SLCO1C1: variants seen among roughly 807,000 people sequenced by gnomAD.
The protein encoded by SLCO1C1 is solute carrier organic anion transporter family member 1C1, also known as OAT-RP-5.
Under a neutral mutation model 76.4 loss-of-function variants are expected in SLCO1C1, and 70 were observed. The observed-to-expected ratio is 0.92, with a 90% confidence interval of 0.76 to 1.12. The LOEUF (loss-of-function observed/expected upper bound fraction) is 1.12, where lower values mean the gene tolerates loss of function less well. Ranked by LOEUF, SLCO1C1 falls within the 50% of genes most tolerant of loss-of-function variation. SLCO1C1 has a pLI of 0.00. For synonymous variants in SLCO1C1, 306 were observed against 286.1 expected (o/e 1.07, Z -0.70); for missense variants, 912 against 823.8 (o/e 1.11, Z -1.31).
chr12:20,707,806 C>T (rs1029393267), intron 4 of SLCO1C1, among the ~76,000 whole-genome samples: 8 of 151,074 alleles, frequency 5.3e-5, no homozygotes, highest in East Asian at 1.9e-4. Context: ...ATCGAATACC[C>T]GTATAAGAAA....
At chr12:20,752,239 T>G in intron 14 of SLCO1C1, 67 bp from the exon 15 acceptor site, 1 of 1,062,908 alleles carries the variant, frequency 9.4e-7, no homozygotes, top group Non-Finnish European at 1.3e-6. Flanking sequence ...ATGATATTAT[T>G]ACCTTTTAAA....
In SLCO1C1 at chr12:20,740,326, C is replaced by T; in HGVS notation, c.1691C>T (p.Thr564Ile). Reference protein sequence around the residue: ...FLVISVITSYTLSLGGIPGYI... With the variant: ...FLVISVITSYILSLGGIPGYI... Reference sequence around the variant, plus strand: ...GTAATTTCAGTCATCACATCCTATACTTTATCCCTAGGTGGCATACCTGGA... The same window carrying T: ...GTAATTTCAGTCATCACATCCTATATTTTATCCCTAGGTGGCATACCTGGA... Residue 564 changes from threonine (T) to isoleucine (I), a missense_variant, in exon 12 of 15, where the codon ACT (threonine) becomes ATT (isoleucine). Transcript: ENST00000266509. The T allele has an allele frequency of 6.2e-7, 1 of 1,613,802 alleles. No individual in the cohort carries two copies. The highest frequency in any genetic ancestry group is 8.5e-7 in the Non-Finnish European group (1 of 1,179,888).
intron 7 of SLCO1C1, 127 bp from the exon 8 acceptor site, chr12:20,721,677 T>A: frequency 1.7e-6 from 2 of 1,164,206 alleles, no homozygotes; most frequent in Non-Finnish European, 2.3e-6. Context: ...AAAAAAAAAA[T>A]AGCATAGATG....
chr12:20,744,204 AGC>A (rs1948940627), intron 13 of SLCO1C1, among the ~76,000 whole-genome samples: 1 of 152,090 alleles, frequency 6.6e-6, no homozygotes, highest in South Asian at 2.1e-4. Context: ...AATATGTATT[AGC>A]TAGAAAAGTG....
intron 5 of SLCO1C1, among the ~76,000 whole-genome samples, chr12:20,713,313 T>A (rs1010031828): frequency 2.6e-5 from 4 of 152,108 alleles, no homozygotes; most frequent in African/African-American, 9.6e-5. Context: ...TCTCCTGACC[T>A]CGTGATCCGC....
At chr12:20,730,687 C>A (rs951288201) in intron 9 of SLCO1C1, among the ~76,000 whole-genome samples, 1 of 152,114 alleles carries the variant, frequency 6.6e-6, no homozygotes, top group Non-Finnish European at 1.5e-5. Flanking sequence ...CATGATCATG[C>A]CCCCTTTAAG....
chr12:20,749,463 G>A (rs1020471767), intron 13 of SLCO1C1, among the ~76,000 whole-genome samples: 7 of 152,124 alleles, frequency 4.6e-5, no homozygotes, highest in African/African-American at 1.7e-4. Context: ...AGAGAACTCA[G>A]AAGTGTGCAA....
In SLCO1C1 at chr12:20,740,255, A is replaced by G; in HGVS notation, c.1620A>G (p.Arg540=). Residue 540 remains arginine (R), a synonymous_variant, in exon 12 of 15, where the codon AGA becomes AGG. Coordinates refer to ENST00000266509, the MANE Select transcript of SLCO1C1 (RefSeq NM_017435.5). ...GAAATTCCTCAGGCATAGTGGGAAGATGTCAGAAAGACAATGGATGTCCCC... is the reference window on the plus strand; with the variant it reads ...GAAATTCCTCAGGCATAGTGGGAAGGTGTCAGAAAGACAATGGATGTCCCC... The part of the protein sequence containing the change: ...KSGNSSGIVG[R]CQKDNGCPQM... 6.2e-7 allele frequency: 1 copy of G among 1,613,996 alleles called. No homozygotes were observed.
intron 2 of SLCO1C1, among the ~76,000 whole-genome samples, chr12:20,700,642 G>A (rs1308808065): frequency 6.6e-6 from 1 of 150,586 alleles, no homozygotes; most frequent in Admixed American, 6.6e-5. Flanking sequence ...GGGATGCTTT[G>A]TGTGCTCCTA....
intron 2 of SLCO1C1, 94 bp downstream of exon 2, chr12:20,699,799 C>A (rs1367010542): frequency 2.3e-6 from 3 of 1,288,334 alleles, no homozygotes; most frequent in African/African-American, 3.2e-5. Context: ...TTGTTTTCTC[C>A]TTTAAAAAAA....
chr12:20,717,132 GGT>G lies in SLCO1C1; in HGVS notation c.683_684del (p.Val228AlafsTer24). On this transcript the variant is annotated frameshift_variant and splice_region_variant, in exon 7 of 15. Coordinates refer to ENST00000266509, the MANE Select transcript of SLCO1C1 (RefSeq NM_017435.5). LOFTEE classifies it high-confidence loss of function. ...TTTTCCTTTTCTTTTCTTGGTGCAG[GGT>G]GTGTGCAGACGGTTGCAATTATAGG... is the stretch of plus-strand genomic sequence containing the variant. The G allele has an allele frequency of 6.3e-7, 1 of 1,598,548 alleles. No homozygotes were observed. The highest frequency in any genetic ancestry group is 8.5e-7 in the Non-Finnish European group (1 of 1,174,610).
intron 13 of SLCO1C1, among the ~76,000 whole-genome samples, chr12:20,747,822 C>G (rs1017006344): frequency 6.6e-6 from 1 of 152,086 alleles, no homozygotes; most frequent in Non-Finnish European, 1.5e-5. Flanking sequence ...ACAAAGATAG[C>G]AAGAACTGTC....
chr12:20,704,231 T>C (rs563463781), intron 3 of SLCO1C1, among the ~76,000 whole-genome samples: 3 of 151,408 alleles, frequency 2.0e-5, no homozygotes, highest in East Asian at 3.9e-4. Flanking sequence ...ACAGTATATA[T>C]ATGGTATATA....
At position 20,740,809 on chromosome 12, in the gene SLCO1C1, ATATATATATG is replaced by A. The variant is rs1186491568; in HGVS notation, c.1733+442_1733+451del. On this transcript the variant is annotated intron_variant, in intron 12 of 14. Transcript: ENST00000266509. ...TATTTATATATATATATATATATAT[ATATATATATG>A]GCTTTATCTGTATATTTTTGCCATG... is the stretch of plus-strand genomic sequence containing the variant. 1.6e-4 allele frequency among the ~76,000 whole-genome samples: 21 copies of A among 131,080 alleles called. 2 individuals are homozygous for A. The highest frequency in any genetic ancestry group is 2.6e-4 in the Non-Finnish European group (16 of 61,322). 86.0% of individuals were successfully genotyped at this position (131,080 alleles called of 152,430 possible). A position where few individuals can be genotyped will look rare whatever the true frequency, so the allele number is the denominator to read the frequency against.
At chr12:20,701,295 G>A (rs759961365) in intron 2 of SLCO1C1, 23 bp from the exon 3 acceptor site, 1 of 1,478,034 alleles carries the variant, frequency 6.8e-7, no homozygotes, top group South Asian at 1.4e-5. Flanking sequence ...GTCAGACTAA[G>A]TGTGACCTGT....
rs1308633412 is a variant in SLCO1C1 at position 20,746,485 on chromosome 12, A to AT, written c.1798+3116_1798+3117insT. On this transcript the variant is annotated intron_variant, in intron 13 of 14. Coordinates refer to ENST00000266509, the MANE Select transcript of SLCO1C1 (RefSeq NM_017435.5). ...CTATAAGAAGCATAGATTAAAAAAA[A>AT]AAATCCTGCCTTGTAACCTTAAAAA... is the stretch of plus-strand genomic sequence containing the variant. Among the ~76,000 whole-genome samples the AT allele has an allele frequency of 2.0e-5, 3 of 152,180 alleles. No homozygotes were observed. The East Asian group carries it at 5.8e-4, about 29-fold the overall frequency.
Position 20,703,598 on chromosome 12 carries a change from T to A in SLCO1C1, c.271+2139T>A, listed in dbSNP as rs1346481777. Among the ~76,000 whole-genome samples, 4 of 151,850 alleles carry A rather than the reference T, an allele frequency of 2.6e-5. No individual in the cohort carries two copies. In the East Asian group the frequency reaches 7.7e-4, roughly 29 times the overall value. On this transcript the variant is annotated intron_variant, in intron 3 of 14. Coordinates refer to ENST00000266509, the MANE Select transcript of SLCO1C1 (RefSeq NM_017435.5). ...AAGCTGGTTTGCTCAGATTTGTTTT[T>A]TCCTAACATAAATCAATGGTTAATT... is the stretch of plus-strand genomic sequence containing the variant.
At chr12:20,734,329 C>G (rs1474064397) in intron 10 of SLCO1C1, among the ~76,000 whole-genome samples, 1 of 152,146 alleles carries the variant, frequency 6.6e-6, no homozygotes, top group Non-Finnish European at 1.5e-5. Context: ...TTGTTAGACT[C>G]AGCTGAGTGT....
At chr12:20,704,706 T>TGC (rs1946692896) in intron 3 of SLCO1C1, among the ~76,000 whole-genome samples, 1 of 126,818 alleles carries the variant, frequency 7.9e-6, no homozygotes, top group Non-Finnish European at 1.7e-5. Context: ...GCGTGAACAG[T>TGC]AGTAAATTAG....
Sources: allele counts gnomAD v4.1 joint callset (sites outside exome capture counted in the v4.1 genomes callset), GRCh38; gene constraint gnomAD v4.1.1; transcripts MANE v1.5; gene names NCBI Gene and HGNC (gene_info 2026-07-23, HGNC 2026-07-21).